The following GARRE1 variants were observed in gnomAD, a reference collection of about 807,000 sequenced individuals.
The protein encoded by GARRE1 is granule associated Rac and RHOG effector 1.
In GARRE1, 49 loss-of-function variants were observed where a neutral mutation model predicts 103.2. The observed-to-expected ratio is 0.47, with a 90% CI of 0.38 to 0.60. The LOEUF (loss-of-function observed/expected upper bound fraction) is 0.60. GARRE1 is among the 20% of genes least tolerant of loss of function. GARRE1 has a pLI of 0.00. For synonymous variants in GARRE1, 505 were observed against 532.8 expected (o/e 0.95, Z 0.72); for missense variants, 1,199 against 1,370.5 (o/e 0.87, Z 1.98).
intron 12 of GARRE1, among the ~76,000 whole-genome samples, chr19:34,350,874 C>T (rs944453796): frequency 2.6e-5 from 4 of 152,112 alleles, no homozygotes; most frequent in African/African-American, 4.8e-5. Flanking sequence ...AGCCACCGCA[C>T]CCGGCCGGAA....
intron 10 of GARRE1, 78 bp from the exon 11 acceptor site, chr19:34,347,799 G>T: frequency 5.3e-6 from 7 of 1,322,298 alleles, no homozygotes; most frequent in Non-Finnish European, 7.1e-6. Flanking sequence ...TGTGTGACCA[G>T]CACGTTAGCA....
intron 1 of GARRE1, among the ~76,000 whole-genome samples, chr19:34,291,626 A>G (rs2073918281): frequency 6.6e-6 from 1 of 152,176 alleles, no homozygotes; most frequent in African/African-American, 2.4e-5. Context: ...ACAATAAATT[A>G]AACCACTCCT....
rs766222590 is a variant in GARRE1 at position 34,330,355 on chromosome 19, A to AGC, written c.1263+10_1263+11dup. 6 of 1,613,954 alleles carry AGC rather than the reference A, an allele frequency of 3.7e-6. No individual in the cohort carries two copies. The highest frequency in any genetic ancestry group is 4.2e-6 in the Non-Finnish European group (5 of 1,179,904). ...TTTGGCCAGGCTGGACTGGTGAGTG[A>AGC]GCGTGGGTGGTGGATGATAGGTAGA... On this transcript the variant is annotated intron_variant, in intron 7 of 13. Transcript: ENST00000299505.
At chr19:34,265,031 G>T (rs2073743335) in intron 1 of GARRE1, among the ~76,000 whole-genome samples, 1 of 152,008 alleles carries the variant, frequency 6.6e-6, no homozygotes, top group African/African-American at 2.4e-5. Context: ...TCAGTTAAGT[G>T]TGTTTTCAAA....
At chr19:34,339,739 C>G (rs898322985) in intron 8 of GARRE1, 128 bp from the exon 9 acceptor site, 1 of 1,070,614 alleles carries the variant, frequency 9.3e-7, no homozygotes, top group African/African-American at 1.6e-5. Context: ...TCTCCATGTT[C>G]TTACAGTTAC....
chr19:34,307,783 T>C (rs1335017869), intron 2 of GARRE1, among the ~76,000 whole-genome samples: 1 of 132,896 alleles, frequency 7.5e-6, no homozygotes, highest in South Asian at 2.4e-4. Flanking sequence ...CTATAAAATA[T>C]ATATACTATA....
At position 34,265,294 on chromosome 19, in the gene GARRE1, G is replaced by A. The variant is rs559768810; in HGVS notation, c.-796+10680G>A. Among the ~76,000 whole-genome samples, 14 of 152,280 alleles carry A rather than the reference G, an allele frequency of 9.2e-5. No homozygotes were observed. The East Asian group carries it at 2.3e-3, about 25-fold the overall frequency. On this transcript the variant is annotated intron_variant, in intron 1 of 13. Coordinates refer to ENST00000299505, the MANE Select transcript of GARRE1 (RefSeq NM_014686.5). Reference sequence around the variant, plus strand: ...GGCTTGGCTCCCAGACTTGGGTGCCGCAGGCTCTGGTGACCTAGGCAGGAA... The same window carrying A: ...GGCTTGGCTCCCAGACTTGGGTGCCACAGGCTCTGGTGACCTAGGCAGGAA...
At chr19:34,327,701 A>G (rs1386657867) in intron 4 of GARRE1, 70 bp from the exon 5 acceptor site, 5 of 1,505,890 alleles carry the variant, frequency 3.3e-6, no homozygotes, top group East Asian at 4.5e-5. Context: ...TAAGATTTCT[A>G]TTTCCATTGA....
At chr19:34,308,870 C>T (rs1004012270) in intron 2 of GARRE1, among the ~76,000 whole-genome samples, 1 of 152,116 alleles carries the variant, frequency 6.6e-6, no homozygotes, top group African/African-American at 2.4e-5. Flanking sequence ...TTCGGTGACT[C>T]AACCAGTGGC....
At chr19:34,352,317 G>A (rs1001730289) in intron 13 of GARRE1, among the ~76,000 whole-genome samples, 2 of 150,902 alleles carry the variant, frequency 1.3e-5, no homozygotes, top group South Asian at 2.1e-4. Context: ...CAGGAGAATC[G>A]CTTGAACCCC....
At chr19:34,321,606 A>G (rs901527457) in intron 3 of GARRE1, among the ~76,000 whole-genome samples, 1 of 152,034 alleles carries the variant, frequency 6.6e-6, no homozygotes, top group Non-Finnish European at 1.5e-5. Context: ...GGCGCCCGCC[A>G]CCATGCCCGG....
At chr19:34,318,190 A>G (rs1599770448) in intron 2 of GARRE1, among the ~76,000 whole-genome samples, 2 of 152,220 alleles carry the variant, frequency 1.3e-5, no homozygotes, top group Non-Finnish European at 2.9e-5. Flanking sequence ...CTGCTTCTCC[A>G]AGAAGAAACA....
At chr19:34,270,433 G>A (rs1466334294) in intron 1 of GARRE1, among the ~76,000 whole-genome samples, 1 of 152,196 alleles carries the variant, frequency 6.6e-6, no homozygotes, top group African/African-American at 2.4e-5. Flanking sequence ...GTGGAATGTC[G>A]TGGCCCTGTG....
intron 1 of GARRE1, among the ~76,000 whole-genome samples, chr19:34,259,876 T>G (rs533888280): frequency 6.6e-6 from 1 of 152,316 alleles, no homozygotes; most frequent in South Asian, 2.1e-4. Context: ...GTGAGCAACT[T>G]CTCACAAGAT....
In GARRE1 at chr19:34,353,494, T is replaced by TA. The variant is rs1269178602; in HGVS notation, c.*540dup. The TA allele has an allele frequency of 6.5e-6, 1 of 154,124 alleles. No individual in the cohort carries two copies. The highest frequency in any genetic ancestry group is 2.4e-5 in the African/African-American group (1 of 41,518). 9.5% of individuals were successfully genotyped at this position (154,124 alleles called of 1,614,324 possible). A position where few individuals can be genotyped will look rare whatever the true frequency, so the allele number is the denominator to read the frequency against. On this transcript the variant is annotated 3_prime_UTR_variant, in exon 14 of 14. Transcript: ENST00000299505. ...GCATTGAATATTTTAAGATAACAGATATACTGGCTGGAGGTTTGTTTAACA... is the reference window on the plus strand; with the variant it reads ...GCATTGAATATTTTAAGATAACAGATAATACTGGCTGGAGGTTTGTTTAACA...
chr19:34,344,855 T>A (rs1436287364), intron 10 of GARRE1, among the ~76,000 whole-genome samples: 3 of 148,602 alleles, frequency 2.0e-5, no homozygotes, highest in East Asian at 2.0e-4. Context: ...TTTTTTTTTT[T>A]ATACGGAGTC....
At chr19:34,260,743 T>A (rs2073712453) in intron 1 of GARRE1, among the ~76,000 whole-genome samples, 1 of 152,192 alleles carries the variant, frequency 6.6e-6, no homozygotes, top group African/African-American at 2.4e-5. Context: ...AAGATATAAG[T>A]CAAAAGATAT....
chr19:34,315,946 C>G (rs750721376), intron 2 of GARRE1, among the ~76,000 whole-genome samples: 11 of 152,166 alleles, frequency 7.2e-5, no homozygotes, highest in Non-Finnish European at 1.2e-4. Flanking sequence ...AAAACAGGCT[C>G]TCATTCAGTA....
intron 1 of GARRE1, among the ~76,000 whole-genome samples, chr19:34,294,256 CAA>C (rs550473592): frequency 9.0e-5 from 10 of 110,654 alleles, no homozygotes; most frequent in Admixed American, 9.6e-5. Context: ...CCTGTCTCTA[CAA>C]AAAAAAAAAA....
Sources: allele counts gnomAD v4.1 joint callset (sites outside exome capture counted in the v4.1 genomes callset), GRCh38; gene constraint gnomAD v4.1.1; transcripts MANE v1.5; gene names NCBI Gene and HGNC (gene_info 2026-07-23, HGNC 2026-07-21).